The following FBN3 variants were observed in gnomAD, a reference collection of about 807,000 sequenced individuals.
FBN3 encodes fibrillin 3, also known as fibrillin-3.
In FBN3, 234 loss-of-function variants were observed where a neutral mutation model predicts 330.1. That is an observed-to-expected ratio of 0.71 (90% CI 0.64 to 0.79). FBN3 has a LOEUF of 0.79. Ranked by LOEUF, FBN3 falls within the 30% of genes least tolerant of loss-of-function variation. The pLI is 0.00. For synonymous variants in FBN3, 1,458 were observed against 1,517.3 expected (o/e 0.96, Z 0.91); for missense variants, 3,606 against 3,886.9 (o/e 0.93, Z 1.92).
At chr19:8,069,204 C>T (rs531725522) in intron 63 of FBN3, among the ~76,000 whole-genome samples, 1 of 152,080 alleles carries the variant, frequency 6.6e-6, no homozygotes, top group African/African-American at 2.4e-5. Context: ...TGCATCTGGC[C>T]CTCTTTGAGA....
In FBN3 at chr19:8,130,593, A is replaced by G. The variant is rs1417594921; in HGVS notation, c.2044+642T>C. Among the ~76,000 whole-genome samples, 35 of 12,468 alleles carry G rather than the reference A, an allele frequency of 2.8e-3. 4 individuals are homozygous for G. The highest frequency in any genetic ancestry group is 5.0e-3 in the Non-Finnish European group (31 of 6,246). 8.2% of individuals were successfully genotyped at this position (12,468 alleles called of 152,430 possible). A position where few individuals can be genotyped will look rare whatever the true frequency, so the allele number is the denominator to read the frequency against. On this transcript the variant is annotated intron_variant, in intron 16 of 63. Transcript: ENST00000600128. ...GAAAGAAAGAAAGAATGAAAGAAAG[A>G]AAGAAAGAAAGAAAGAAAGAAAGAA...
Position 8,141,735 on chromosome 19 carries a change from T to C in FBN3, c.847A>G (p.Ser283Gly). Residue 283 changes from serine to glycine, a missense_variant, in exon 8 of 64, where the codon AGC becomes GGC. Coordinates refer to ENST00000600128, the MANE Select transcript of FBN3 (RefSeq NM_032447.5). Reference protein sequence around the residue: ...RCPVGHRLSDSSAACEDYRAG... With the variant: ...RCPVGHRLSDGSAACEDYRAG... Reference sequence around the variant, plus strand: ...CACCCACCTTCACATGCGGCGCTGCTGTCACTGAGCCGGTGTCCAACTGGA... The same window carrying C: ...CACCCACCTTCACATGCGGCGCTGCCGTCACTGAGCCGGTGTCCAACTGGA... 1 of 1,613,952 alleles carries C rather than the reference T, an allele frequency of 6.2e-7. No homozygotes were observed. Among genetic ancestry groups the C allele is most frequent in the Non-Finnish European group, 8.5e-7 (1 of 1,179,916 alleles).
chr19:8,118,809 A>T, intron 26 of FBN3, 88 bp downstream of exon 26: 7 of 1,506,310 alleles, frequency 4.6e-6, no homozygotes, highest in African/African-American at 1.4e-5. Flanking sequence ...CCACCCTCTC[A>T]CTCATCCAGC....
intron 47 of FBN3, among the ~76,000 whole-genome samples, chr19:8,093,806 A>G (rs1235760231): frequency 1.3e-5 from 2 of 152,064 alleles, no homozygotes; most frequent in African/African-American, 4.8e-5. Context: ...CAACAACAAA[A>G]AAAGGATAGA....
chr19:8,141,487 CA>C (rs1568457778), intron 8 of FBN3, among the ~76,000 whole-genome samples: 1 of 152,142 alleles, frequency 6.6e-6, no homozygotes, highest in Non-Finnish European at 1.5e-5. Flanking sequence ...AGGCTGCTGG[CA>C]AAACCTTGGG....
rs748741955 is a variant in FBN3 at position 8,096,061 on chromosome 19, C to G, written c.5559G>C (p.Arg1853=). Reference sequence around the variant, plus strand: ...TGCAGGTCCCATTTCCACAAGGCTGCCGGTCACACTCGTCAATGTCTGCAG... The same window carrying G: ...TGCAGGTCCCATTTCCACAAGGCTGGCGGTCACACTCGTCAATGTCTGCAG... ...TLCMDIDECD[R]QPCGNGTCKN... is the part of the protein sequence containing the mutation. Residue 1853 remains arginine (R), a synonymous_variant, in exon 45 of 64, where the codon CGG becomes CGC. Coordinates refer to ENST00000600128, the MANE Select transcript of FBN3 (RefSeq NM_032447.5). The surrounding 1 kb of genome is among the most constrained non-coding windows in gnomAD (Gnocchi z 4.6). 1.2e-6 allele frequency: 2 copies of G among 1,613,780 alleles called. No homozygotes were observed. The highest frequency in any genetic ancestry group is 1.7e-6 in the Non-Finnish European group (2 of 1,179,714).
At chr19:8,092,890 A>G (rs2144709343) in intron 47 of FBN3, among the ~76,000 whole-genome samples, 1 of 151,974 alleles carries the variant, frequency 6.6e-6, no homozygotes, top group East Asian at 2.0e-4. Context: ...GATATAAAGG[A>G]CTTTGGGGAC....
rs532218753 is a variant in FBN3 at position 8,109,810 on chromosome 19, C to T, written c.4334-57G>A. 2.4e-5 allele frequency: 34 copies of T among 1,439,680 alleles called. No homozygotes were observed. In the South Asian group the frequency reaches 3.8e-4, roughly 16 times the overall value. The allele number at this position is 1,439,680 out of a possible 1,614,324, so 89.2% of individuals were successfully genotyped here. On this transcript the variant is annotated intron_variant, in intron 34 of 63. Transcript: ENST00000600128. The surrounding 1 kb of genome is among the most constrained non-coding windows in gnomAD (Gnocchi z 5.2). Reference sequence around the variant, plus strand: ...AGCCCCTTCCTCGGCCCCCCTCCCTCCTAGCTTCATCCTGGGAAGCTACAG... The same window carrying T: ...AGCCCCTTCCTCGGCCCCCCTCCCTTCTAGCTTCATCCTGGGAAGCTACAG...
intron 8 of FBN3, among the ~76,000 whole-genome samples, chr19:8,141,038 C>T (rs1399881880): frequency 5.3e-5 from 8 of 151,254 alleles, no homozygotes; most frequent in African/African-American, 4.9e-5. Flanking sequence ...TAAAAAAATA[C>T]AAAAAAATTA....
chr19:8,072,321 C>G (rs1207600444), intron 62 of FBN3, 123 bp from the exon 63 acceptor site: 1 of 1,045,646 alleles, frequency 9.6e-7, no homozygotes, highest in Non-Finnish European at 1.4e-6. Flanking sequence ...ACACAAATGC[C>G]TCTGAGCATG....
At chr19:8,071,953 T>C in intron 63 of FBN3, 95 bp downstream of exon 63, 1 of 1,298,222 alleles carries the variant, frequency 7.7e-7, no homozygotes, top group South Asian at 1.4e-5. Context: ...GTGCTCCTTC[T>C]TGGGGGGGCT....
chr19:8,107,672 G>A (rs2082476746), intron 37 of FBN3, among the ~76,000 whole-genome samples: 1 of 150,860 alleles, frequency 6.6e-6, no homozygotes. Context: ...ATAAGAGAGG[G>A]ATGAGTGGAG....
At position 8,066,110 on chromosome 19, in the gene FBN3, G is replaced by C; in HGVS notation, c.8239C>G (p.Gln2747Glu). The C allele has an allele frequency of 6.2e-7, 1 of 1,613,534 alleles. No homozygotes were observed. Among genetic ancestry groups the C allele is most frequent in the Non-Finnish European group, 8.5e-7 (1 of 1,179,962 alleles). ...IRYVIVRGNE[Q>E]GFFRMHHLRG... ...AGGTGATGCATGCGAAAGAAACCTT[G>C]CTCGTTTCCGCGGACGATGACGTAG... The change falls in exon 64 of 64, where the codon CAA becomes GAA. Residue 2747 changes from glutamine to glutamate, a missense_variant. By Grantham distance (29) the Gln-to-Glu change is conservative. Transcript: ENST00000600128.
chr19:8,082,575 C>A (rs1228593284), intron 57 of FBN3, among the ~76,000 whole-genome samples: 2 of 151,704 alleles, frequency 1.3e-5, no homozygotes, highest in African/African-American at 4.8e-5. Flanking sequence ...CTCACTACAA[C>A]CTCCACTTCC....
At chr19:8,145,969 T>C (rs1340887663) in intron 4 of FBN3, 31 bp from the exon 5 acceptor site, 4 of 1,538,210 alleles carry the variant, frequency 2.6e-6, no homozygotes, top group South Asian at 1.2e-5. Context: ...CGCATAGTAA[T>C]GTGGAGATGG....
At chr19:8,076,767 A>AT (rs1226821364) in intron 59 of FBN3, among the ~76,000 whole-genome samples, 1 of 151,958 alleles carries the variant, frequency 6.6e-6, no homozygotes, top group Non-Finnish European at 1.5e-5. Flanking sequence ...CCAACTGTTA[A>AT]TTTTGGTTTT....
Position 8,121,258 on chromosome 19 carries a change from C to A in FBN3, c.3211G>T (p.Asp1071Tyr). The change falls in exon 25 of 64, where the codon GAC becomes TAC. Residue 1071 changes from aspartate to tyrosine, a missense_variant and splice_region_variant. Coordinates refer to ENST00000600128, the MANE Select transcript of FBN3 (RefSeq NM_032447.5). This position sits in a 1 kb window ranked among gnomAD's most constrained non-coding sequence, Gnocchi z 4.5. The part of the protein sequence containing the change: ...SGFMLMKNCM[D>Y]VDECARDPLL... ...ACACCCCTGCCCGGCAGTCACCGAC[C>A]CATGCAGTTCTTCATCAGCATGAAG... The A allele has an allele frequency of 6.2e-7, 1 of 1,600,956 alleles. No individual in the cohort carries two copies. The highest frequency in any genetic ancestry group is 1.1e-5 in the South Asian group (1 of 88,828).
At chr19:8,138,877 T>G (rs190034657) in intron 8 of FBN3, among the ~76,000 whole-genome samples, 1 of 152,028 alleles carries the variant, frequency 6.6e-6, no homozygotes, top group Non-Finnish European at 1.5e-5. Context: ...CGAAACCTCA[T>G]GTCTACTAAA....
Position 8,117,562 on chromosome 19 carries a change from C to A in FBN3, c.3365G>T (p.Gly1122Val), listed in dbSNP as rs76321590. The change falls in exon 27 of 64, where the codon GGC (glycine) becomes GTC (valine). Residue 1122 changes from glycine to valine, a missense_variant. Coordinates refer to ENST00000600128, the MANE Select transcript of FBN3 (RefSeq NM_032447.5). The part of the protein sequence containing the change: ...EDIDECSLSD[G>V]LCPHGQCVNV... ...GACACACTGGCCATGGGGACACAGGCCATCACTCAGGGAGCACTCATCGAT... is the reference window on the plus strand; with the variant it reads ...GACACACTGGCCATGGGGACACAGGACATCACTCAGGGAGCACTCATCGAT... The A allele has an allele frequency of 8.4e-3, 13,135 of 1,555,920 alleles. 459 individuals are homozygous for A. In the African/African-American group the frequency reaches 0.1, roughly 12 times the overall value.
Sources: gnomAD v4.1 joint callset for allele counts (sites outside exome capture counted in the v4.1 genomes callset) on GRCh38, gnomAD v4.1.1 for gene constraint, Gnocchi (gnomAD v3.1) non-coding constraint, MANE v1.5 for transcripts, NCBI Gene and HGNC (gene_info 2026-07-23, HGNC 2026-07-21) for gene names.